The following GPC5 variants were observed in gnomAD, a reference collection of about 807,000 sequenced individuals.
The protein encoded by GPC5 is glypican-5.
GPC5 carries 47 observed loss-of-function variants against 53.9 expected under a neutral mutation model. The ratio of observed to expected loss-of-function variants is 0.87; its 90% CI spans 0.69 to 1.11. GPC5 has a LOEUF of 1.11. GPC5 is among the 50% of genes most tolerant of loss of function. GPC5 has a pLI of 0.00. For synonymous variants in GPC5, 286 were observed against 263.3 expected, an observed-to-expected ratio of 1.09 and a Z score of -0.84; for missense variants, 748 against 713.1, an observed-to-expected ratio of 1.05 and a Z score of -0.56.
chr13:91,708,172 A>G (rs1042790740), intron 3 of GPC5, among the ~76,000 whole-genome samples: 1 of 152,242 alleles, frequency 6.6e-6, no homozygotes, highest in Admixed American at 6.5e-5. Context: ...GAAACAAGAC[A>G]AAGGCAATAT....
intron 5 of GPC5, among the ~76,000 whole-genome samples, chr13:91,777,319 G>T (rs1211477334): frequency 6.6e-6 from 1 of 152,088 alleles, no homozygotes; most frequent in Admixed American, 6.5e-5. Context: ...ACTAGTAATT[G>T]TTGTATGAAA....
chr13:91,849,927 G>A (rs1488775089), intron 5 of GPC5, among the ~76,000 whole-genome samples: 2 of 152,228 alleles, frequency 1.3e-5, no homozygotes, highest in Admixed American at 1.3e-4. Flanking sequence ...AGAAAAGTGA[G>A]GGACAAAATT....
At chr13:92,683,337 T>G (rs568801091) in intron 7 of GPC5, among the ~76,000 whole-genome samples, 1 of 152,318 alleles carries the variant, frequency 6.6e-6, no homozygotes, top group Non-Finnish European at 1.5e-5. Flanking sequence ...ACCTGGAAGA[T>G]GACGCTACTT....
intron 7 of GPC5, among the ~76,000 whole-genome samples, chr13:92,487,496 A>G (rs1179780652): frequency 2.0e-5 from 3 of 152,312 alleles, no homozygotes; most frequent in Non-Finnish European, 1.5e-5. Flanking sequence ...ATACTTATCT[A>G]TAAGATGGTA....
chr13:91,959,689 T>C (rs2040108872), intron 6 of GPC5, among the ~76,000 whole-genome samples: 1 of 151,750 alleles, frequency 6.6e-6, no homozygotes, highest in Non-Finnish European at 1.5e-5. Flanking sequence ...AAAAGGATAA[T>C]ATACCGTGAT....
chr13:91,562,463 ATT>A (rs1339276720), intron 2 of GPC5, among the ~76,000 whole-genome samples: 2 of 151,530 alleles, frequency 1.3e-5, no homozygotes, highest in Non-Finnish European at 2.9e-5. Flanking sequence ...CTTTCTTTTA[ATT>A]TTTTCTTTCT....
chr13:91,817,234 A>G (rs1188249385), intron 5 of GPC5, among the ~76,000 whole-genome samples: 1 of 152,182 alleles, frequency 6.6e-6, no homozygotes, highest in Non-Finnish European at 1.5e-5. Flanking sequence ...TTTGGATTAT[A>G]AATGCATGGA....
chr13:92,378,634 TTAAAC>T (rs1225267644), intron 7 of GPC5, among the ~76,000 whole-genome samples: 1 of 152,154 alleles, frequency 6.6e-6, no homozygotes, highest in Non-Finnish European at 1.5e-5. Context: ...TTATCATCTA[TTAAAC>T]TAAAACTTAA....
chr13:92,304,297 T>C (rs1352070702), intron 7 of GPC5, among the ~76,000 whole-genome samples: 1 of 151,768 alleles, frequency 6.6e-6, no homozygotes, highest in East Asian at 1.9e-4. Context: ...CTCCACCTCC[T>C]GGGTTCACAT....
At chr13:92,785,162 G>C (rs1326236396) in intron 7 of GPC5, among the ~76,000 whole-genome samples, 1 of 152,140 alleles carries the variant, frequency 6.6e-6, no homozygotes, top group Non-Finnish European at 1.5e-5. Context: ...TGTAATCCCA[G>C]CTACTCGGGA....
At chr13:92,294,682 C>CTT (rs2043021230) in intron 7 of GPC5, among the ~76,000 whole-genome samples, 1 of 151,834 alleles carries the variant, frequency 6.6e-6, no homozygotes, top group Non-Finnish European at 1.5e-5. Flanking sequence ...TGTTTTGTTG[C>CTT]TTTCAATTTC....
At chr13:92,773,385 C>T (rs1215186451) in intron 7 of GPC5, among the ~76,000 whole-genome samples, 3 of 152,030 alleles carry the variant, frequency 2.0e-5, no homozygotes, top group African/African-American at 7.2e-5. Flanking sequence ...CAAATTTCTG[C>T]TGGCTGAACA....
intron 7 of GPC5, among the ~76,000 whole-genome samples, chr13:92,317,039 A>C (rs1464575083): frequency 6.6e-6 from 1 of 152,196 alleles, no homozygotes; most frequent in African/African-American, 2.4e-5. Flanking sequence ...ATTTCAAGTC[A>C]TACTACAAGC....
chr13:92,706,293 T>G (rs1887950429), intron 7 of GPC5, among the ~76,000 whole-genome samples: 2 of 152,066 alleles, frequency 1.3e-5, no homozygotes, highest in African/African-American at 2.4e-5. Context: ...AATTCAAATT[T>G]TATATGAATT....
Position 92,815,549 on chromosome 13 carries a change from A to G in GPC5, c.1562-50733A>G, listed in dbSNP as rs181785138. Among the ~76,000 whole-genome samples, 225 of 151,808 alleles carry G rather than the reference A, an allele frequency of 1.5e-3. 3 individuals carry two copies. Among genetic ancestry groups the G allele is most frequent in the Non-Finnish European group, 1.7e-3 (115 of 67,972 alleles). ...TGCTGACTCTGTGATTTTTTTTTCTATATATGATCTGACACCAGTGGAATA... is the reference window on the plus strand; with the variant it reads ...TGCTGACTCTGTGATTTTTTTTTCTGTATATGATCTGACACCAGTGGAATA... On this transcript the variant is annotated intron_variant, in intron 7 of 7. Coordinates refer to ENST00000377067, the MANE Select transcript of GPC5 (RefSeq NM_004466.6).
chr13:92,063,746 A>G (rs1237135115), intron 6 of GPC5, among the ~76,000 whole-genome samples: 1 of 152,200 alleles, frequency 6.6e-6, no homozygotes, highest in Non-Finnish European at 1.5e-5. Context: ...GCTTAATGAT[A>G]TGACATGAAG....
At chr13:92,639,819 C>T (rs1429701067) in intron 7 of GPC5, among the ~76,000 whole-genome samples, 2 of 152,122 alleles carry the variant, frequency 1.3e-5, no homozygotes, top group Admixed American at 6.6e-5. Flanking sequence ...CTCCCCACAT[C>T]GAAGCCCAGC....
intron 3 of GPC5, among the ~76,000 whole-genome samples, chr13:91,724,209 CAT>C (rs778453994): frequency 6.6e-6 from 1 of 152,140 alleles, no homozygotes; most frequent in African/African-American, 2.4e-5. Flanking sequence ...GAGCACAGCA[CAT>C]GTGTCCACAA....
chr13:92,428,011 T>C (rs1291665770), intron 7 of GPC5, among the ~76,000 whole-genome samples: 1 of 152,172 alleles, frequency 6.6e-6, no homozygotes, highest in Non-Finnish European at 1.5e-5. Context: ...ATTTTTTGTT[T>C]TCCACTTGCA....
Sources: gnomAD v4.1 joint callset for allele counts (sites outside exome capture counted in the v4.1 genomes callset) on GRCh38, gnomAD v4.1.1 for gene constraint, MANE v1.5 for transcripts, NCBI Gene and HGNC (gene_info 2026-07-23, HGNC 2026-07-21) for gene names.